SLC6A11: variants seen among roughly 807,000 people sequenced by gnomAD.
The protein encoded by SLC6A11 is sodium- and chloride-dependent GABA transporter 3.
Under a neutral mutation model 74.8 loss-of-function variants are expected in SLC6A11, and 25 were observed. The ratio of observed to expected loss-of-function variants is 0.33; its 90% CI spans 0.24 to 0.47. The LOEUF (loss-of-function observed/expected upper bound fraction) is 0.47, where lower values mean the gene tolerates loss of function less well. Ranked by LOEUF, SLC6A11 falls within the 20% of genes least tolerant of loss-of-function variation. SLC6A11 has a pLI of 1.00. For missense variants in SLC6A11, 574 were observed against 837.0 expected (o/e 0.69, Z 3.88); for synonymous variants, 330 against 330.2 (o/e 1.00, Z 0.01).
chr3:10,824,622 A>G lies in SLC6A11; in HGVS notation c.623+1230A>G, dbSNP rs576540647. On this transcript the variant is annotated intron_variant, in intron 4 of 13. Transcript: ENST00000254488. ...TATAACAACTTTATTTCTTTGCTCAATATTGGTTCTTAGATGTATCCATAT... is the reference window on the plus strand; with the variant it reads ...TATAACAACTTTATTTCTTTGCTCAGTATTGGTTCTTAGATGTATCCATAT... 3 of 152,086 alleles carry G rather than the reference A, an allele frequency of 2.0e-5. No homozygotes were observed. In the East Asian group the frequency reaches 5.8e-4, roughly 29 times the overall value. The allele number at this position is 152,086 out of a possible 1,614,324, so 9.4% of individuals were successfully genotyped here.
intron 7 of SLC6A11, 91 bp downstream of exon 7, chr3:10,912,284 G>T (rs764557542): frequency 3.4e-6 from 3 of 880,392 alleles, no homozygotes; most frequent in East Asian, 4.8e-5. Flanking sequence ...TGCCCACCTT[G>T]CAGGGCCCCA....
intron 10 of SLC6A11, among the ~76,000 whole-genome samples, chr3:10,931,996 C>G (rs1695694057): frequency 6.6e-6 from 1 of 152,204 alleles, no homozygotes; most frequent in South Asian, 2.1e-4. Context: ...CCCTAATGCA[C>G]TGTCCTGGTA....
At chr3:10,893,821 A>G (rs916999336) in intron 6 of SLC6A11, among the ~76,000 whole-genome samples, 2 of 152,038 alleles carry the variant, frequency 1.3e-5, no homozygotes, top group African/African-American at 4.8e-5. Flanking sequence ...CATGCATTCT[A>G]TTTTATTTTT....
At position 10,939,059 on chromosome 3, in the gene SLC6A11, T is replaced by C. The variant is rs1246092657; in HGVS notation, c.*657T>C. ...TGGGAGGAGGAGCCGGATTGGGTTA[T>C]TTCTTAGGGATTCTCTTTGTGTGCC... On this transcript the variant is annotated 3_prime_UTR_variant, in exon 14 of 14. Transcript: ENST00000254488. 1 of 152,298 alleles carries C rather than the reference T, an allele frequency of 6.6e-6. No homozygotes were observed. The highest frequency in any genetic ancestry group is 2.4e-5 in the African/African-American group (1 of 41,450). 9.4% of individuals were successfully genotyped at this position (152,298 alleles called of 1,614,324 possible). A position where few individuals can be genotyped will look rare whatever the true frequency, so the allele number is the denominator to read the frequency against.
chr3:10,869,151 A>T (rs535193520), intron 5 of SLC6A11, among the ~76,000 whole-genome samples: 122 of 152,328 alleles, frequency 8.0e-4, no homozygotes, highest in African/African-American at 2.6e-3. Flanking sequence ...AAAATAAAAG[A>T]CCAAACCCTT....
Position 10,926,128 on chromosome 3 carries a change from TG to T in SLC6A11, c.1233+16del. 6.4e-7 allele frequency: 1 copy of T among 1,562,672 alleles called. No homozygotes were observed. On this transcript the variant is annotated intron_variant, in intron 9 of 13. Coordinates refer to ENST00000254488, the MANE Select transcript of SLC6A11 (RefSeq NM_014229.3). The surrounding 1 kb of genome is among the most constrained non-coding windows in gnomAD (Gnocchi z 5.7). ...GCCTGGACAGCCAGGTAAGGGGCCA[TG>T]GGGATGGGGAGCCCAGGAGGGAGGG...
Position 10,915,409 on chromosome 3 carries a change from T to C in SLC6A11, c.996-2920T>C, listed in dbSNP as rs1183731460. Among the ~76,000 whole-genome samples, 2 of 152,228 alleles carry C rather than the reference T, an allele frequency of 1.3e-5. No homozygotes were observed. The highest frequency in any genetic ancestry group is 2.9e-5 in the Non-Finnish European group (2 of 68,048). Reference sequence around the variant, plus strand: ...TGCAAAAATTAGAAAATTCATTTTATTTCCTTTTCCAAATTGTTCTGCAAG... The same window carrying C: ...TGCAAAAATTAGAAAATTCATTTTACTTCCTTTTCCAAATTGTTCTGCAAG... On this transcript the variant is annotated intron_variant, in intron 7 of 13. Transcript: ENST00000254488. The surrounding 1 kb of genome is among the most constrained non-coding windows in gnomAD (Gnocchi z 4.3).
At chr3:10,895,792 G>A (rs947372930) in intron 6 of SLC6A11, among the ~76,000 whole-genome samples, 8 of 151,892 alleles carry the variant, frequency 5.3e-5, no homozygotes, top group African/African-American at 1.9e-4. Context: ...CTCAAAGGTC[G>A]AGAGAGCATC....
At position 10,909,219 on chromosome 3, in the gene SLC6A11, A is replaced by C. The variant is rs138693266; in HGVS notation, c.892-2871A>C. Among the ~76,000 whole-genome samples the C allele has an allele frequency of 3.9e-5, 6 of 152,120 alleles. No individual in the cohort carries two copies. In the East Asian group the frequency reaches 1.2e-3, roughly 29 times the overall value. On this transcript the variant is annotated intron_variant, in intron 6 of 13. Coordinates refer to ENST00000254488, the MANE Select transcript of SLC6A11 (RefSeq NM_014229.3). ...TCCTTGGATTGGCCAGGTCTGGGTC[A>C]TGTGGCCAGCCCTGAATCTACCTCT... is the stretch of plus-strand genomic sequence containing the variant.
intron 12 of SLC6A11, 142 bp downstream of exon 12, chr3:10,934,308 G>C (rs4434127): frequency 0.33 from 197,895 of 602,052 alleles, 35,205 homozygotes; most frequent in African/African-American, 0.48. Flanking sequence ...ACCTTACAAA[G>C]CTGCACCCAT....
At chr3:10,885,467 T>G (rs1695031496) in intron 6 of SLC6A11, among the ~76,000 whole-genome samples, 1 of 152,086 alleles carries the variant, frequency 6.6e-6, no homozygotes, top group Non-Finnish European at 1.5e-5. Context: ...AAGCTTTACC[T>G]CCCAGGAGAC....
intron 5 of SLC6A11, among the ~76,000 whole-genome samples, chr3:10,851,183 A>G (rs1694571295): frequency 6.6e-6 from 1 of 151,194 alleles, no homozygotes; most frequent in Non-Finnish European, 1.5e-5. Context: ...CTCTTGGTGG[A>G]TGATTTATGG....
At chr3:10,873,113 G>A (rs1381230630) in intron 5 of SLC6A11, among the ~76,000 whole-genome samples, 9 of 152,186 alleles carry the variant, frequency 5.9e-5, no homozygotes, top group Non-Finnish European at 1.0e-4. Context: ...AGCAGCCCCT[G>A]GGACGGGAAC....
At chr3:10,844,157 C>T in intron 4 of SLC6A11, 57 bp from the exon 5 acceptor site, 1 of 1,608,258 alleles carries the variant, frequency 6.2e-7, no homozygotes, top group South Asian at 1.1e-5. Context: ...GCAGTACTAG[C>T]TTTGCTGAAA....
chr3:10,893,181 A>G (rs1159367802), intron 6 of SLC6A11, among the ~76,000 whole-genome samples: 3 of 152,214 alleles, frequency 2.0e-5, no homozygotes, highest in Non-Finnish European at 4.4e-5. Flanking sequence ...TCCCTAAGAA[A>G]GACAGATGAG....
At chr3:10,817,236 C>A (rs1694075784) in intron 1 of SLC6A11, among the ~76,000 whole-genome samples, 1 of 152,254 alleles carries the variant, frequency 6.6e-6, no homozygotes, top group South Asian at 2.1e-4. Flanking sequence ...TGACAACGAA[C>A]AGTTTATTTT....
In SLC6A11 at chr3:10,894,986, G is replaced by C. The variant is rs78570576; in HGVS notation, c.892-17104G>C. ...AAAGTGAGGGCTTTGGGATCATACA[G>C]ATCTGGGATTGAGTCTTTCAGGTAT... On this transcript the variant is annotated intron_variant, in intron 6 of 13. Coordinates refer to ENST00000254488, the MANE Select transcript of SLC6A11 (RefSeq NM_014229.3). Among the ~76,000 whole-genome samples, 287 of 152,302 alleles carry C rather than the reference G, an allele frequency of 1.9e-3. 2 individuals are homozygous for C. The highest frequency in any genetic ancestry group is 6.4e-3 in the African/African-American group (267 of 41,570).
At position 10,918,311 on chromosome 3, in the gene SLC6A11, C is replaced by T. The variant is rs999023086; in HGVS notation, c.996-18C>T. 2.5e-6 allele frequency: 4 copies of T among 1,573,090 alleles called. No homozygotes were observed. Among genetic ancestry groups the T allele is most frequent in the Non-Finnish European group, 1.7e-6 (2 of 1,161,926 alleles). ...TCTGCCCGCTCTGACCCTAGTGCCTCTCGCTGCTTCCCCACAGGGACTGCA... is the reference window on the plus strand; with the variant it reads ...TCTGCCCGCTCTGACCCTAGTGCCTTTCGCTGCTTCCCCACAGGGACTGCA... On this transcript the variant is annotated intron_variant, in intron 7 of 13. Coordinates refer to ENST00000254488, the MANE Select transcript of SLC6A11 (RefSeq NM_014229.3). The surrounding 1 kb of genome is among the most constrained non-coding windows in gnomAD (Gnocchi z 4.5).
intron 4 of SLC6A11, among the ~76,000 whole-genome samples, chr3:10,829,963 G>T (rs903460074): frequency 1.4e-4 from 21 of 151,998 alleles, no homozygotes; most frequent in Admixed American, 3.3e-4. Context: ...GTAAATACTG[G>T]GTGCTGGGCA....
Sources: allele counts gnomAD v4.1 joint callset (sites outside exome capture counted in the v4.1 genomes callset), GRCh38; gene constraint gnomAD v4.1.1; non-coding constraint Gnocchi (gnomAD v3.1); transcripts MANE v1.5; gene names NCBI Gene and HGNC (gene_info 2026-07-23, HGNC 2026-07-21).